INPP5A: variants seen among roughly 807,000 people sequenced by gnomAD.
INPP5A encodes the protein 43 kDa inositol polyphosphate 5-phophatase.
In INPP5A, 14 loss-of-function variants were observed where a neutral mutation model predicts 65.2. That is an observed-to-expected ratio of 0.21 (90% confidence interval 0.14 to 0.34). The LOEUF (loss-of-function observed/expected upper bound fraction) is 0.34, where lower values mean the gene tolerates loss of function less well. Ranked by LOEUF, INPP5A falls within the 10% of genes least tolerant of loss-of-function variation. The pLI is 1.00. For synonymous variants in INPP5A, 207 were observed against 208.3 expected (o/e 0.99, Z 0.05); for missense variants, 431 against 545.6 (o/e 0.79, Z 2.09).
chr10:132,679,896 G>A (rs1423712506), intron 4 of INPP5A, among the ~76,000 whole-genome samples: 1 of 152,174 alleles, frequency 6.6e-6, no homozygotes, highest in African/African-American at 2.4e-5. Context: ...CAGTGGTGCT[G>A]GGACGCTGAT....
At chr10:132,687,675 A>T (rs1434412502) in intron 4 of INPP5A, among the ~76,000 whole-genome samples, 1 of 152,180 alleles carries the variant, frequency 6.6e-6, no homozygotes, top group Non-Finnish European at 1.5e-5. Context: ...TGGGAGGCCC[A>T]TGGTTACCCT....
intron 4 of INPP5A, among the ~76,000 whole-genome samples, chr10:132,681,113 C>T (rs1163463330): frequency 6.6e-6 from 1 of 152,262 alleles, no homozygotes; most frequent in African/African-American, 2.4e-5. Flanking sequence ...GCCAGCTGGG[C>T]TCCTGAGTCT....
chr10:132,586,893 T>C (rs183447958), intron 1 of INPP5A, among the ~76,000 whole-genome samples: 24 of 152,330 alleles, frequency 1.6e-4, no homozygotes, highest in Admixed American at 1.6e-3. Context: ...GGCGAGGCTG[T>C]GGTTCTCTGC....
intron 8 of INPP5A, among the ~76,000 whole-genome samples, chr10:132,711,196 C>T (rs1307957002): frequency 6.6e-6 from 1 of 152,188 alleles, no homozygotes; most frequent in Non-Finnish European, 1.5e-5. Context: ...TGCGCCTGGG[C>T]CCCTGCCCCC....
At position 132,697,690 on chromosome 10, in the gene INPP5A, G is replaced by A; in HGVS notation, c.371-126G>A. The A allele has an allele frequency of 1.5e-6, 1 of 664,898 alleles. No homozygotes were observed. The highest frequency in any genetic ancestry group is 2.4e-5 in the Admixed American group (1 of 41,986). The allele number at this position is 664,898 out of a possible 1,614,324, so 41.2% of individuals were successfully genotyped here. ...GTTCTGGGTCGGACCCCTCATCAGG[G>A]CCTCCTCTCGGGGGGCCTCTCTGGC... On this transcript the variant is annotated intron_variant, in intron 5 of 15. Coordinates refer to ENST00000368594, the MANE Select transcript of INPP5A (RefSeq NM_005539.5). The surrounding 1 kb of genome is among the most constrained non-coding windows in gnomAD (Gnocchi z 5.6).
chr10:132,639,513 G>T (rs1387109977), intron 2 of INPP5A, among the ~76,000 whole-genome samples: 1 of 152,080 alleles, frequency 6.6e-6, no homozygotes, highest in Non-Finnish European at 1.5e-5. Context: ...ATAAAATGTG[G>T]CACAGATATG....
At chr10:132,780,733 GCCGACATCC>G (rs908467201) in intron 13 of INPP5A, 107 bp from the exon 14 acceptor site, 2 of 850,142 alleles carry the variant, frequency 2.4e-6, no homozygotes, top group Non-Finnish European at 4.0e-6. Context: ...ACTGGCAGGG[GCCGACATCC>G]CCATCTCTCT....
At chr10:132,721,408 C>T (rs1444064484) in intron 8 of INPP5A, among the ~76,000 whole-genome samples, 1 of 143,780 alleles carries the variant, frequency 7.0e-6, no homozygotes, top group African/African-American at 2.6e-5. Flanking sequence ...TGGGTTCTGT[C>T]TGGGTGCCTT....
chr10:132,682,586 G>A (rs182838205), intron 4 of INPP5A, among the ~76,000 whole-genome samples: 157 of 152,382 alleles, frequency 1.0e-3, no homozygotes, highest in African/African-American at 3.5e-3. Context: ...ACCACTGGGG[G>A]ATCGTCATGG....
chr10:132,751,840 G>A (rs868610416), intron 11 of INPP5A, among the ~76,000 whole-genome samples: 7 of 151,196 alleles, frequency 4.6e-5, no homozygotes, highest in Non-Finnish European at 7.4e-5. Flanking sequence ...AAGTGCCTTC[G>A]TGGAGGCGGG....
intron 1 of INPP5A, among the ~76,000 whole-genome samples, chr10:132,579,162 G>A (rs1432208322): frequency 2.0e-5 from 3 of 152,080 alleles, no homozygotes; most frequent in Admixed American, 1.3e-4. Flanking sequence ...GAGCCGCGCC[G>A]GTTGCGGGCT....
chr10:132,564,471 C>T (rs1368474554), intron 1 of INPP5A, among the ~76,000 whole-genome samples: 2 of 152,238 alleles, frequency 1.3e-5, no homozygotes, highest in East Asian at 1.9e-4. Context: ...GGCTGCCTCC[C>T]TGGGCTGTGC....
chr10:132,653,929 T>A (rs2072615222), intron 4 of INPP5A, among the ~76,000 whole-genome samples: 1 of 152,172 alleles, frequency 6.6e-6, no homozygotes, highest in South Asian at 2.1e-4. Context: ...ACTTGGTGCC[T>A]CAAAGTGCCC....
At chr10:132,656,384 C>A (rs778699989) in intron 4 of INPP5A, among the ~76,000 whole-genome samples, 1 of 152,218 alleles carries the variant, frequency 6.6e-6, no homozygotes, top group Admixed American at 6.5e-5. Flanking sequence ...AAGATAGCTT[C>A]GGGAGAGGGC....
Position 132,731,420 on chromosome 10 carries a change from G to A in INPP5A, c.732+4515G>A, listed in dbSNP as rs190046668. 2.3e-3 allele frequency among the ~76,000 whole-genome samples: 347 copies of A among 151,722 alleles called. 3 individuals are homozygous for A. The highest frequency in any genetic ancestry group is 6.7e-3 in the African/African-American group (275 of 41,326). ...CTGGAAGTGACTGCGTCCCTCCTGC[G>A]TATCAGACGCCCCTGGGAGTGACCG... On this transcript the variant is annotated intron_variant, in intron 9 of 15. Transcript: ENST00000368594.
intron 13 of INPP5A, 111 bp downstream of exon 13, chr10:132,777,893 A>C (rs1004457035): frequency 3.3e-6 from 5 of 1,531,174 alleles, no homozygotes; most frequent in Non-Finnish European, 4.4e-6. Flanking sequence ...AGTCTGGGGA[A>C]TGCTGCCAGG....
intron 4 of INPP5A, among the ~76,000 whole-genome samples, chr10:132,686,569 C>T (rs755118120): frequency 4.6e-5 from 7 of 152,038 alleles, no homozygotes; most frequent in Non-Finnish European, 1.0e-4. Context: ...GGGTAAACAC[C>T]GAAAAAGTTG....
At chr10:132,703,620 GC>G (rs373223532) in intron 6 of INPP5A, among the ~76,000 whole-genome samples, 1,672 of 75,958 alleles carry the variant, frequency 0.022, 23 homozygotes, top group Admixed American at 0.062. Context: ...CACAGCTTCT[GC>G]CCCCCAACAC....
At chr10:132,732,016 A>AC (rs1846095347) in intron 9 of INPP5A, among the ~76,000 whole-genome samples, 1 of 152,098 alleles carries the variant, frequency 6.6e-6, no homozygotes, top group African/African-American at 2.4e-5. Flanking sequence ...AGCCCCCGGC[A>AC]CCCCAGGCAG....
Sources: allele counts gnomAD v4.1 joint callset (sites outside exome capture counted in the v4.1 genomes callset), GRCh38; gene constraint gnomAD v4.1.1; non-coding constraint Gnocchi (gnomAD v3.1); transcripts MANE v1.5; gene names NCBI Gene and HGNC (gene_info 2026-07-23, HGNC 2026-07-21).